FOXN3: variants seen among roughly 807,000 people sequenced by gnomAD.
FOXN3 encodes forkhead box protein N3.
In FOXN3, 7 loss-of-function variants were observed where a neutral mutation model predicts 38.4. The observed-to-expected ratio is 0.18, with a 90% CI of 0.10 to 0.34. FOXN3 has a LOEUF of 0.34. FOXN3 is among the 10% of genes least tolerant of loss of function. FOXN3 has a pLI of 1.00. For missense variants in FOXN3, 456 were observed against 613.4 expected (o/e 0.74, Z 2.71); for synonymous variants, 230 against 242.2 (o/e 0.95, Z 0.47).
chr14:89,477,871 GA>G (rs149561286), intron 1 of FOXN3, among the ~76,000 whole-genome samples: 18 of 148,736 alleles, frequency 1.2e-4, no homozygotes, highest in East Asian at 3.9e-4. Flanking sequence ...AACAACAGGA[GA>G]AAAAAAAAAT....
intron 1 of FOXN3, among the ~76,000 whole-genome samples, chr14:89,573,797 G>A (rs558042282): frequency 9.9e-5 from 15 of 152,236 alleles, no homozygotes; most frequent in African/African-American, 2.2e-4. Flanking sequence ...GGTCATGGCC[G>A]GGTGCATGAT....
intron 4 of FOXN3, among the ~76,000 whole-genome samples, chr14:89,196,202 A>G (rs1282065578): frequency 6.6e-6 from 1 of 152,214 alleles, no homozygotes; most frequent in Non-Finnish European, 1.5e-5. Context: ...ACACACAGTT[A>G]TATTATGCTG....
At chr14:89,595,063 T>G (rs1896031033) in intron 1 of FOXN3, among the ~76,000 whole-genome samples, 2 of 151,562 alleles carry the variant, frequency 1.3e-5, no homozygotes, top group Non-Finnish European at 1.5e-5. Flanking sequence ...ACGCCTGTAA[T>G]CCCAGCACTT....
At chr14:89,448,333 T>C (rs758331156) in intron 1 of FOXN3, among the ~76,000 whole-genome samples, 9 of 152,174 alleles carry the variant, frequency 5.9e-5, no homozygotes, top group African/African-American at 1.7e-4. Context: ...TGGAGCTCTA[T>C]AGATCCTGAA....
At chr14:89,184,500 G>A (rs373848632) in intron 4 of FOXN3, among the ~76,000 whole-genome samples, 1 of 152,210 alleles carries the variant, frequency 6.6e-6, no homozygotes, top group African/African-American at 2.4e-5. Context: ...GAAGCCAGTC[G>A]TCACCAAGTT....
At chr14:89,325,069 G>A (rs997727329) in intron 3 of FOXN3, among the ~76,000 whole-genome samples, 1 of 152,160 alleles carries the variant, frequency 6.6e-6, no homozygotes, top group Non-Finnish European at 1.5e-5. Context: ...CACACTGGGT[G>A]CATCTCAGGT....
intron 5 of FOXN3, among the ~76,000 whole-genome samples, chr14:89,165,745 G>C (rs1887225491): frequency 6.6e-6 from 1 of 152,224 alleles, no homozygotes; most frequent in Admixed American, 6.5e-5. Context: ...GAAAATGAAA[G>C]TCTCGTTGTA....
At chr14:89,550,983 C>T (rs566016694) in intron 1 of FOXN3, among the ~76,000 whole-genome samples, 7 of 152,262 alleles carry the variant, frequency 4.6e-5, no homozygotes, top group African/African-American at 7.2e-5. Context: ...AATGGTGGGA[C>T]GCACACACGA....
At chr14:89,289,192 AAAAAAGAAAAGAAAAAG>A (rs1273812623) in intron 3 of FOXN3, among the ~76,000 whole-genome samples, 124 of 54,584 alleles carry the variant, frequency 2.3e-3, no homozygotes, top group African/African-American at 6.7e-3. Context: ...AAAAAAAAAA[AAAAAAGAAAAGAAAAAG>A]AAAAGAAAAG....
At chr14:89,288,716 CTCTCTCTCTATATA>C (rs1886748359) in intron 3 of FOXN3, among the ~76,000 whole-genome samples, 111 of 51,610 alleles carry the variant, frequency 2.2e-3, no homozygotes, top group Non-Finnish European at 3.1e-3. Flanking sequence ...CTCTCTCTCT[CTCTCTCTCTATATA>C]TATATATATA....
intron 4 of FOXN3, among the ~76,000 whole-genome samples, chr14:89,247,059 GATCC>G (rs952240178): frequency 1.3e-5 from 2 of 151,500 alleles, no homozygotes; most frequent in African/African-American, 4.9e-5. Flanking sequence ...TCAGTCTGTT[GATCC>G]ATCCATCCAT....
chr14:89,495,143 C>T (rs1893654157), intron 1 of FOXN3, among the ~76,000 whole-genome samples: 1 of 152,062 alleles, frequency 6.6e-6, no homozygotes, highest in South Asian at 2.1e-4. Context: ...ACATCATATC[C>T]CTTGGGCTGG....
At chr14:89,431,548 AG>A (rs1892157560) in intron 1 of FOXN3, among the ~76,000 whole-genome samples, 1 of 152,070 alleles carries the variant, frequency 6.6e-6, no homozygotes, top group Non-Finnish European at 1.5e-5. Flanking sequence ...GCTAGTCAAA[AG>A]CCATTCTTTT....
intron 1 of FOXN3, among the ~76,000 whole-genome samples, chr14:89,530,765 A>G (rs1894543117): frequency 1.3e-5 from 2 of 150,612 alleles, no homozygotes; most frequent in Non-Finnish European, 3.0e-5. Flanking sequence ...GCCTACCACC[A>G]CGCCCGGCTA....
At chr14:89,378,219 C>T (rs1369280670) in intron 2 of FOXN3, among the ~76,000 whole-genome samples, 12 of 152,150 alleles carry the variant, frequency 7.9e-5, no homozygotes. Context: ...TTCATTGATA[C>T]AGAAAATCAA....
intron 1 of FOXN3, among the ~76,000 whole-genome samples, chr14:89,541,973 C>T (rs1317541989): frequency 6.6e-6 from 1 of 152,100 alleles, no homozygotes; most frequent in East Asian, 1.9e-4. Flanking sequence ...GGGTCCCGAT[C>T]CAGACCCCAA....
chr14:89,599,718 C>T (rs1896122953), intron 1 of FOXN3, among the ~76,000 whole-genome samples: 1 of 152,174 alleles, frequency 6.6e-6, no homozygotes, highest in South Asian at 2.1e-4. Context: ...TTCAGGCAGA[C>T]ATCTAGGCTA....
chr14:89,332,012 T>C (rs3783857), intron 3 of FOXN3, among the ~76,000 whole-genome samples: 74,552 of 151,556 alleles, frequency 0.49, 19,890 homozygotes, highest in Admixed American at 0.59. Context: ...AAAGAAGTTA[T>C]AATGAGCTGC....
chr14:89,291,031 GA>G, intron 3 of FOXN3: 1 of 469,436 alleles, frequency 2.1e-6, no homozygotes. Flanking sequence ...ACTCATGCTT[GA>G]AACTCACTCC....
Sources: allele counts gnomAD v4.1 joint callset (sites outside exome capture counted in the v4.1 genomes callset), GRCh38; gene constraint gnomAD v4.1.1; transcripts MANE v1.5; gene names NCBI Gene and HGNC (gene_info 2026-07-23, HGNC 2026-07-21).